SLCO5A1: variants seen among roughly 807,000 people sequenced by gnomAD.
SLCO5A1 encodes the protein organic anion transporter polypeptide-related protein 4.
A neutral mutation model predicts 65.1 loss-of-function variants in SLCO5A1; 39 were observed. The observed-to-expected ratio is 0.60, with a 90% CI of 0.46 to 0.78. The LOEUF is 0.78. Among genes scored for constraint, SLCO5A1 ranks in the 30% least tolerant of loss-of-function variants. The pLI is 0.00. For missense variants in SLCO5A1, 1,029 were observed against 1,069.4 expected, an observed-to-expected ratio of 0.96 and a Z score of 0.53; for synonymous variants, 438 against 415.7, an observed-to-expected ratio of 1.05 and a Z score of -0.65.
intron 2 of SLCO5A1, among the ~76,000 whole-genome samples, chr8:69,790,935 G>T (rs1819241986): frequency 6.6e-6 from 1 of 152,152 alleles, no homozygotes; most frequent in Admixed American, 6.5e-5. Flanking sequence ...ATGACTTCAG[G>T]GGATTTGAAG....
chr8:69,692,723 C>T (rs1233406520), intron 6 of SLCO5A1, among the ~76,000 whole-genome samples: 1 of 152,170 alleles, frequency 6.6e-6, no homozygotes, highest in Non-Finnish European at 1.5e-5. Flanking sequence ...TCATCAGTAT[C>T]ACTGTCTCCC....
rs1382558008 is a variant in SLCO5A1 at position 69,831,819 on chromosome 8, T to G, written c.855A>C (p.Gly285=). 1 of 1,614,154 alleles carries G rather than the reference T, an allele frequency of 6.2e-7. No homozygotes were observed. ...GMGSTPIYTL[G]PTYLDDNVKK... ...TGACATTGTCATCTAAGTAGGTTGG[T>G]CCCAGGGTATAAATAGGTGTGGAGC... Residue 285 remains glycine (G), a synonymous_variant, in exon 2 of 10, where the codon GGA becomes GGC. Transcript: ENST00000260126.
chr8:69,818,454 A>G (rs1428362910), intron 2 of SLCO5A1, among the ~76,000 whole-genome samples: 2 of 152,240 alleles, frequency 1.3e-5, no homozygotes, highest in African/African-American at 4.8e-5. Context: ...AGATCCCCTG[A>G]GAGTCTCACA....
At chr8:69,674,314 GAGGA>G (rs1338371330) in intron 9 of SLCO5A1, among the ~76,000 whole-genome samples, 3 of 152,194 alleles carry the variant, frequency 2.0e-5, no homozygotes, top group Non-Finnish European at 4.4e-5. Context: ...AGGGAGGAGG[GAGGA>G]AGGAATAAAA....
At chr8:69,682,148 G>A in intron 7 of SLCO5A1, 36 bp downstream of exon 7, 1 of 1,583,122 alleles carries the variant, frequency 6.3e-7, no homozygotes, top group Non-Finnish European at 8.6e-7. Flanking sequence ...ACAGGATGTT[G>A]GACTAACAGA....
chr8:69,822,183 C>T (rs1278893687), intron 2 of SLCO5A1, among the ~76,000 whole-genome samples: 1 of 151,998 alleles, frequency 6.6e-6, no homozygotes, highest in Non-Finnish European at 1.5e-5. Flanking sequence ...TAATTACTTC[C>T]AAGTATGTCC....
intron 2 of SLCO5A1, among the ~76,000 whole-genome samples, chr8:69,828,463 G>T (rs564933079): frequency 6.6e-6 from 1 of 151,884 alleles, no homozygotes; most frequent in Non-Finnish European, 1.5e-5. Flanking sequence ...TTAGCTGGGC[G>T]TGGTGGTGGG....
Position 69,790,044 on chromosome 8 carries a change from T to C in SLCO5A1, c.908-28169A>G, listed in dbSNP as rs1409264565. 3.3e-5 allele frequency among the ~76,000 whole-genome samples: 5 copies of C among 151,792 alleles called. No individual in the cohort carries two copies. The East Asian group carries it at 7.8e-4, about 24-fold the overall frequency. Reference sequence around the variant, plus strand: ...TCTGTCTCTACTAAAAATACAAAAATTAGCTGGGCATGGTGGTGGATGCCT... The same window carrying C: ...TCTGTCTCTACTAAAAATACAAAAACTAGCTGGGCATGGTGGTGGATGCCT... On this transcript the variant is annotated intron_variant, in intron 2 of 9. Coordinates refer to ENST00000260126, the MANE Select transcript of SLCO5A1 (RefSeq NM_030958.3).
At chr8:69,694,715 G>C (rs1248469989) in intron 6 of SLCO5A1, among the ~76,000 whole-genome samples, 1 of 152,214 alleles carries the variant, frequency 6.6e-6, no homozygotes, top group Non-Finnish European at 1.5e-5. Flanking sequence ...ATTCTAGACT[G>C]TATTCCTAGG....
chr8:69,688,093 CCT>C (rs1814077643), intron 6 of SLCO5A1, among the ~76,000 whole-genome samples: 1 of 151,878 alleles, frequency 6.6e-6, no homozygotes. Context: ...TTTTTATCCC[CCT>C]GATACTCCTA....
At chr8:69,679,752 A>C in intron 7 of SLCO5A1, 133 bp from the exon 8 acceptor site, 1 of 1,254,870 alleles carries the variant, frequency 8.0e-7, no homozygotes, top group Non-Finnish European at 1.1e-6. Context: ...TATTTCATTG[A>C]AAGTACCTTC....
intron 2 of SLCO5A1, among the ~76,000 whole-genome samples, chr8:69,774,527 C>G (rs375315864): frequency 1.5e-4 from 23 of 152,166 alleles, no homozygotes; most frequent in African/African-American, 5.3e-4. Flanking sequence ...CCCCAGCTCA[C>G]TGCTCATTGC....
rs142751785 is a variant in SLCO5A1 at position 69,773,746 on chromosome 8, G to A, written c.908-11871C>T. ...GTCCTGATAGCCTGTCATTCATGGG[G>A]CCCCATCCTCCATGATTCATCAGTA... is the stretch of plus-strand genomic sequence containing the variant. On this transcript the variant is annotated intron_variant, in intron 2 of 9. Coordinates refer to ENST00000260126, the MANE Select transcript of SLCO5A1 (RefSeq NM_030958.3). 8.4e-3 allele frequency among the ~76,000 whole-genome samples: 1,273 copies of A among 152,238 alleles called. 14 individuals are homozygous for A. Among genetic ancestry groups the A allele is most frequent in the African/African-American group, 0.029 (1,215 of 41,544 alleles).
At position 69,679,365 on chromosome 8, in the gene SLCO5A1, A is replaced by G. The variant is rs1183828373; in HGVS notation, c.2024+13T>C. ...GTACAGAACCCACCCCAGAAGTTGAATGCTGTTCTCACCTGAGTGTTACTA... is the reference window on the plus strand; with the variant it reads ...GTACAGAACCCACCCCAGAAGTTGAGTGCTGTTCTCACCTGAGTGTTACTA... On this transcript the variant is annotated intron_variant, in intron 8 of 9. Transcript: ENST00000260126. 6.2e-7 allele frequency: 1 copy of G among 1,613,996 alleles called. No individual in the cohort carries two copies. Among genetic ancestry groups the G allele is most frequent in the African/African-American group, 1.3e-5 (1 of 74,924 alleles).
intron 6 of SLCO5A1, among the ~76,000 whole-genome samples, chr8:69,687,891 T>C (rs1350859578): frequency 6.6e-6 from 1 of 151,770 alleles, no homozygotes; most frequent in Non-Finnish European, 1.5e-5. Flanking sequence ...ACATAACATA[T>C]GTTAATATAA....
At chr8:69,742,566 GA>G (rs1398648010) in intron 4 of SLCO5A1, among the ~76,000 whole-genome samples, 3 of 152,150 alleles carry the variant, frequency 2.0e-5, no homozygotes, top group Admixed American at 1.3e-4. Context: ...TCTATACTCT[GA>G]AATCACTTTT....
At chr8:69,758,622 TAAAC>T (rs1817625619) in intron 3 of SLCO5A1, among the ~76,000 whole-genome samples, 1 of 151,648 alleles carries the variant, frequency 6.6e-6, no homozygotes, top group Non-Finnish European at 1.5e-5. Flanking sequence ...ATACAGCAAA[TAAAC>T]AAAAAAATAC....
rs552766895 is a variant in SLCO5A1 at position 69,667,678 on chromosome 8, T to G, written c.*5191A>C. ...TAGGATACCAGAAAAGATAACACCT[T>G]CAAAACCCCAGTGTTAAAAATACCT... On this transcript the variant is annotated 3_prime_UTR_variant, in exon 10 of 10. Transcript: ENST00000260126. 5.9e-5 allele frequency: 9 copies of G among 152,304 alleles called. No individual in the cohort carries two copies. The highest frequency in any genetic ancestry group is 2.2e-4 in the African/African-American group (9 of 41,566). The allele number at this position is 152,304 out of a possible 1,614,324, so 9.4% of individuals were successfully genotyped here. A position where few individuals can be genotyped will look rare whatever the true frequency, so the allele number is the denominator to read the frequency against.
intron 5 of SLCO5A1, among the ~76,000 whole-genome samples, chr8:69,729,871 C>T (rs1277728206): frequency 3.3e-5 from 5 of 152,168 alleles, no homozygotes; most frequent in Non-Finnish European, 7.3e-5. Context: ...TACCTCTCTT[C>T]GCGGGTGGGA....
Sources: allele counts gnomAD v4.1 joint callset (sites outside exome capture counted in the v4.1 genomes callset), GRCh38; gene constraint gnomAD v4.1.1; transcripts MANE v1.5; gene names NCBI Gene and HGNC (gene_info 2026-07-23, HGNC 2026-07-21).